SGCZ: variants seen among roughly 807,000 people sequenced by gnomAD.
The protein encoded by SGCZ is zeta-sarcoglycan.
SGCZ carries 40 observed loss-of-function variants against 41.3 expected under a neutral mutation model. The observed-to-expected ratio is 0.97, with a 90% CI of 0.75 to 1.26. The LOEUF (loss-of-function observed/expected upper bound fraction) is 1.26, where lower values mean the gene tolerates loss of function less well. Among genes scored for constraint, SGCZ ranks in the 50% most tolerant of loss-of-function variants. The pLI is 0.00. For missense variants in SGCZ, 552 were observed against 369.8 expected (o/e 1.49, Z -4.04); for synonymous variants, 206 against 137.5 (o/e 1.50, Z -3.49).
At chr8:14,435,107 T>G (rs1444412938) in intron 2 of SGCZ, among the ~76,000 whole-genome samples, 2 of 152,310 alleles carry the variant, frequency 1.3e-5, no homozygotes, top group East Asian at 3.9e-4. Context: ...GCAAAAATAT[T>G]AATAAAAGCG....
At chr8:15,049,789 A>G (rs10092933) in intron 1 of SGCZ, among the ~76,000 whole-genome samples, 3,175 of 152,192 alleles carry the variant, frequency 0.021, 125 homozygotes, top group African/African-American at 0.072. Context: ...CAATTCCCCC[A>G]TACTGTTCTC....
chr8:14,542,666 T>C (rs941484096), intron 2 of SGCZ, among the ~76,000 whole-genome samples: 7 of 152,130 alleles, frequency 4.6e-5, no homozygotes, highest in African/African-American at 1.7e-4. Context: ...CACATAGTTT[T>C]AAAAGCTACT....
chr8:14,225,143 T>C (rs935615120), intron 4 of SGCZ, among the ~76,000 whole-genome samples: 5 of 152,148 alleles, frequency 3.3e-5, no homozygotes, highest in African/African-American at 1.2e-4. Context: ...TTCATCTCTT[T>C]CCTCTTATCA....
intron 3 of SGCZ, among the ~76,000 whole-genome samples, chr8:14,313,483 A>AT: frequency 6.6e-6 from 1 of 151,982 alleles, no homozygotes; most frequent in South Asian, 2.1e-4. Flanking sequence ...TGCCCAGCTA[A>AT]TTTTTGTATT....
At chr8:15,047,471 T>C (rs543616049) in intron 1 of SGCZ, among the ~76,000 whole-genome samples, 4 of 152,186 alleles carry the variant, frequency 2.6e-5, no homozygotes, top group African/African-American at 9.6e-5. Context: ...TTTGGCAGTA[T>C]ATTTAACTCT....
intron 2 of SGCZ, among the ~76,000 whole-genome samples, chr8:14,549,390 A>G (rs748460522): frequency 1.4e-4 from 21 of 152,090 alleles, no homozygotes; most frequent in Admixed American, 1.3e-4. Context: ...TGTTCATAGG[A>G]GACAAGGACA....
intron 1 of SGCZ, among the ~76,000 whole-genome samples, chr8:14,823,485 C>T (rs1351284962): frequency 1.3e-5 from 2 of 152,122 alleles, no homozygotes; most frequent in Non-Finnish European, 2.9e-5. Context: ...AAATGCTCAA[C>T]ATTTCTAATC....
intron 6 of SGCZ, among the ~76,000 whole-genome samples, chr8:14,107,111 G>A (rs909895413): frequency 8.6e-5 from 13 of 151,990 alleles, no homozygotes; most frequent in African/African-American, 3.1e-4. Flanking sequence ...AGCTACTCGA[G>A]AGGCTGAGGC....
chr8:14,704,552 C>G (rs1809267233), intron 1 of SGCZ, among the ~76,000 whole-genome samples: 1 of 151,848 alleles, frequency 6.6e-6, no homozygotes, highest in African/African-American at 2.4e-5. Context: ...ACTTTGAAGT[C>G]AGATAGAAAT....
intron 1 of SGCZ, among the ~76,000 whole-genome samples, chr8:15,172,192 C>A (rs199515299): frequency 1.7e-5 from 1 of 57,284 alleles, no homozygotes; most frequent in East Asian, 5.1e-4. Flanking sequence ...GACGGAGTTT[C>A]GCTCTGTCGC....
At chr8:15,152,131 C>T (rs970632703) in intron 1 of SGCZ, among the ~76,000 whole-genome samples, 2 of 152,010 alleles carry the variant, frequency 1.3e-5, no homozygotes, top group Non-Finnish European at 2.9e-5. Flanking sequence ...ACTGAGATGT[C>T]CTGAGATAGC....
At chr8:14,691,436 G>A (rs1183153399) in intron 1 of SGCZ, among the ~76,000 whole-genome samples, 1 of 152,018 alleles carries the variant, frequency 6.6e-6, no homozygotes, top group African/African-American at 2.4e-5. Context: ...AAGTACCAAA[G>A]GATGACCTAG....
chr8:15,109,629 T>A (rs573862882), intron 1 of SGCZ, among the ~76,000 whole-genome samples: 3 of 152,178 alleles, frequency 2.0e-5, no homozygotes, highest in Non-Finnish European at 4.4e-5. Context: ...TTGGTTAAAC[T>A]TGATTCAGGA....
chr8:14,453,280 A>T (rs1435405986), intron 2 of SGCZ, among the ~76,000 whole-genome samples: 2 of 152,180 alleles, frequency 1.3e-5, no homozygotes, highest in East Asian at 3.9e-4. Flanking sequence ...TCTAACATTA[A>T]GATACATTAT....
intron 1 of SGCZ, among the ~76,000 whole-genome samples, chr8:14,900,012 A>G (rs897350348): frequency 9.9e-5 from 15 of 152,064 alleles, no homozygotes; most frequent in African/African-American, 3.4e-4. Flanking sequence ...CTCTGAGAGG[A>G]GACCTTTCAG....
chr8:15,034,595 A>C (rs1156334765), intron 1 of SGCZ, among the ~76,000 whole-genome samples: 3 of 152,200 alleles, frequency 2.0e-5, no homozygotes, highest in African/African-American at 7.2e-5. Context: ...GTAAATATCC[A>C]GGTACAGAAA....
intron 2 of SGCZ, among the ~76,000 whole-genome samples, chr8:14,352,161 G>T (rs1021010731): frequency 3.9e-5 from 6 of 151,982 alleles, no homozygotes; most frequent in South Asian, 2.1e-4. Flanking sequence ...TAAATTTGAA[G>T]TAAAAGAGTT....
At chr8:15,008,828 G>A (rs1802716062) in intron 1 of SGCZ, among the ~76,000 whole-genome samples, 1 of 145,342 alleles carries the variant, frequency 6.9e-6, no homozygotes, top group Non-Finnish European at 1.5e-5. Flanking sequence ...AGGGAGGAAG[G>A]GAGAGAGGGG....
At chr8:14,534,131 G>C (rs1338492689) in intron 2 of SGCZ, among the ~76,000 whole-genome samples, 1 of 152,004 alleles carries the variant, frequency 6.6e-6, no homozygotes, top group Non-Finnish European at 1.5e-5. Flanking sequence ...GCCACTTGGA[G>C]TTGGAAACTG....
Sources: gnomAD v4.1 joint callset for allele counts (sites outside exome capture counted in the v4.1 genomes callset) on GRCh38, gnomAD v4.1.1 for gene constraint, MANE v1.5 for transcripts, NCBI Gene and HGNC (gene_info 2026-07-23, HGNC 2026-07-21) for gene names.